Variants in GKAP1 observed in about 807,000 individuals in gnomAD.
GKAP1 encodes G kinase anchoring protein 1, also known as G kinase-anchoring protein 1.
Under a neutral mutation model 56.7 loss-of-function variants are expected in GKAP1, and 31 were observed. The observed-to-expected ratio is 0.55, with a 90% confidence interval of 0.41 to 0.74. The LOEUF is 0.74. Among genes scored for constraint, GKAP1 ranks in the 30% least tolerant of loss-of-function variants. GKAP1 has a pLI of 0.00. For synonymous variants in GKAP1, 151 were observed against 138.6 expected (o/e 1.09, Z -0.63); for missense variants, 364 against 402.3 (o/e 0.90, Z 0.82).
intron 7 of GKAP1, among the ~76,000 whole-genome samples, chr9:83,773,861 T>C (rs1943804883): frequency 6.6e-6 from 1 of 152,238 alleles, no homozygotes; most frequent in Non-Finnish European, 1.5e-5. Flanking sequence ...ATTATGATAG[T>C]TCATCTCGAA....
chr9:83,771,611 AC>A (rs1453599458), intron 7 of GKAP1, among the ~76,000 whole-genome samples: 3 of 152,218 alleles, frequency 2.0e-5, no homozygotes, highest in African/African-American at 2.4e-5. Flanking sequence ...AATTTCATAA[AC>A]ATCATGAGAA....
intron 3 of GKAP1, among the ~76,000 whole-genome samples, chr9:83,803,599 G>A (rs1211399475): frequency 6.6e-6 from 1 of 152,138 alleles, no homozygotes; most frequent in Non-Finnish European, 1.5e-5. Flanking sequence ...ATCTCAGCTC[G>A]CTACAACCTC....
intron 4 of GKAP1, among the ~76,000 whole-genome samples, chr9:83,795,491 A>C (rs1429169366): frequency 6.6e-6 from 1 of 151,210 alleles, no homozygotes; most frequent in Non-Finnish European, 1.5e-5. Flanking sequence ...CTCTTTATTT[A>C]GATTTTCTTT....
intron 8 of GKAP1, among the ~76,000 whole-genome samples, chr9:83,757,324 T>C (rs1203529183): frequency 1.3e-5 from 2 of 152,274 alleles, no homozygotes; most frequent in South Asian, 2.1e-4. Context: ...GTTAATTAAG[T>C]TAAGGATATC....
intron 9 of GKAP1, chr9:83,749,214 C>T (rs1040374328): frequency 6.7e-6 from 1 of 150,010 alleles, no homozygotes; most frequent in Non-Finnish European, 1.5e-5. Context: ...CTCTGTATCA[C>T]TTATTTATTT....
chr9:83,812,426 C>T (rs1303059094), intron 2 of GKAP1, among the ~76,000 whole-genome samples: 13 of 150,556 alleles, frequency 8.6e-5, no homozygotes, highest in African/African-American at 2.7e-4. Context: ...CGGCTCACTG[C>T]AGCCTCAACT....
intron 7 of GKAP1, among the ~76,000 whole-genome samples, chr9:83,777,145 A>T (rs12555327): frequency 1.3e-5 from 2 of 152,222 alleles, no homozygotes. Flanking sequence ...CCCCACTGCC[A>T]CCTTTGACAA....
chr9:83,760,799 T>C (rs986895474), intron 8 of GKAP1, among the ~76,000 whole-genome samples: 2 of 152,162 alleles, frequency 1.3e-5, no homozygotes, highest in Non-Finnish European at 2.9e-5. Context: ...AGAAGGAAAC[T>C]GAAAAATTTC....
intron 7 of GKAP1, among the ~76,000 whole-genome samples, chr9:83,775,748 G>A (rs1191591650): frequency 2.0e-5 from 3 of 151,210 alleles, no homozygotes; most frequent in African/African-American, 4.9e-5. Flanking sequence ...GGTGCTGGGC[G>A]CCTGTAATCC....
chr9:83,780,520 T>C (rs1943953704), intron 6 of GKAP1, 116 bp from the exon 7 acceptor site: 1 of 550,812 alleles, frequency 1.8e-6, no homozygotes, highest in Non-Finnish European at 3.2e-6. Context: ...TCCTATGAGT[T>C]ATAGAAGTCA....
chr9:83,745,450 A>G (rs1489631468), intron 10 of GKAP1, among the ~76,000 whole-genome samples: 3 of 152,212 alleles, frequency 2.0e-5, no homozygotes, highest in Non-Finnish European at 4.4e-5. Context: ...TAATGATCCT[A>G]TATAAAATTC....
intron 12 of GKAP1, 62 bp downstream of exon 12, chr9:83,741,890 C>T: frequency 1.0e-6 from 1 of 986,206 alleles, no homozygotes; most frequent in Non-Finnish European, 1.5e-6. Flanking sequence ...TTTATTCTCA[C>T]ACAGTATCTA....
chr9:83,776,388 AAAAAG>A (rs780379748), intron 7 of GKAP1, among the ~76,000 whole-genome samples: 22 of 152,290 alleles, frequency 1.4e-4, no homozygotes, highest in Non-Finnish European at 2.4e-4. Flanking sequence ...ATAACCTAAA[AAAAAG>A]AAAAGAAACA....
chr9:83,758,928 G>A (rs1943522686), intron 8 of GKAP1, among the ~76,000 whole-genome samples: 1 of 152,014 alleles, frequency 6.6e-6, no homozygotes. Context: ...AGAAAGAGAA[G>A]TGGAGAATTT....
chr9:83,793,726 T>C (rs1330978101), intron 4 of GKAP1, among the ~76,000 whole-genome samples: 3 of 152,176 alleles, frequency 2.0e-5, no homozygotes, highest in Non-Finnish European at 2.9e-5. Context: ...ACAGTGAATA[T>C]AGAATATAAA....
At chr9:83,786,084 A>G (rs1440816707) in intron 5 of GKAP1, among the ~76,000 whole-genome samples, 3 of 152,118 alleles carry the variant, frequency 2.0e-5, no homozygotes, top group African/African-American at 7.2e-5. Flanking sequence ...CCTAAAACCC[A>G]TCCCCAACAA....
chr9:83,809,724 G>A (rs1246183205), intron 2 of GKAP1, among the ~76,000 whole-genome samples: 1 of 152,236 alleles, frequency 6.6e-6, no homozygotes, highest in Non-Finnish European at 1.5e-5. Flanking sequence ...CAATGCATAT[G>A]CTTTCTGTCA....
rs1564211396 is a variant in GKAP1 at position 83,799,317 on chromosome 9, A to T, written c.228T>A (p.Leu76=). 6.3e-7 allele frequency: 1 copy of T among 1,597,740 alleles called. No homozygotes were observed. Among genetic ancestry groups the T allele is most frequent in the Non-Finnish European group, 8.5e-7 (1 of 1,174,500 alleles). ...ATTTCTGGGGAATTTTCTTAAAAGC[A>T]AGATTCCTGAGCTATAAAACAAACA... ...QQSEANELRN[L]AFKKIPQKSS... is the part of the protein sequence containing the mutation. The change falls in exon 4 of 13, where the codon CTT becomes CTA. Residue 76 remains leucine (L), a synonymous_variant. Coordinates refer to ENST00000376371, the MANE Select transcript of GKAP1 (RefSeq NM_025211.4).
chr9:83,750,162 T>A (rs571395567), intron 9 of GKAP1, among the ~76,000 whole-genome samples: 1 of 151,712 alleles, frequency 6.6e-6, no homozygotes, highest in Non-Finnish European at 1.5e-5. Flanking sequence ...AAATTGCAAA[T>A]GAGCATGATT....
Sources: gnomAD v4.1 joint callset for allele counts (sites outside exome capture counted in the v4.1 genomes callset) on GRCh38, gnomAD v4.1.1 for gene constraint, MANE v1.5 for transcripts, NCBI Gene and HGNC (gene_info 2026-07-23, HGNC 2026-07-21) for gene names.